Variants in ZNF536 observed in about 807,000 individuals in gnomAD.
ZNF536 encodes the protein zinc finger protein 536.
ZNF536 carries 13 observed loss-of-function variants against 84.5 expected under a neutral mutation model. The observed-to-expected ratio is 0.15, with a 90% CI of 0.10 to 0.24. The LOEUF is 0.24. ZNF536 is among the 10% of genes least tolerant of loss of function. ZNF536 has a pLI of 1.00. For missense variants in ZNF536, 1,536 were observed against 1,747.5 expected (o/e 0.88, Z 2.16); for synonymous variants, 811 against 742.5 (o/e 1.09, Z -1.50).
At chr19:30,358,808 A>C (rs1370111747) in intron 3 of ZNF536, among the ~76,000 whole-genome samples, 2 of 152,240 alleles carry the variant, frequency 1.3e-5, no homozygotes, top group East Asian at 3.9e-4. Context: ...AGACCATGAA[A>C]GTTTTGGACA....
At chr19:30,675,126 G>T (rs1033307219) in intron 1 of ZNF536, among the ~76,000 whole-genome samples, 1 of 152,156 alleles carries the variant, frequency 6.6e-6, no homozygotes, top group African/African-American at 2.4e-5. Flanking sequence ...CTATAGGACA[G>T]TGCTTATTGA....
chr19:30,600,057 T>C (rs147157071), intron 1 of ZNF536, among the ~76,000 whole-genome samples: 6,868 of 149,464 alleles, frequency 0.046, 533 homozygotes, highest in African/African-American at 0.16. Context: ...TTTTTTTTTG[T>C]TGTTGTTGTT....
intron 1 of ZNF536, among the ~76,000 whole-genome samples, chr19:30,424,736 TCTC>T (rs1441937916): frequency 6.6e-6 from 1 of 152,010 alleles, no homozygotes; most frequent in Non-Finnish European, 1.5e-5. Flanking sequence ...TAAAATCACT[TCTC>T]CTTGACACAG....
chr19:30,355,562 A>G (rs545867723), intron 3 of ZNF536, among the ~76,000 whole-genome samples: 2 of 151,292 alleles, frequency 1.3e-5, no homozygotes, highest in East Asian at 3.9e-4. Flanking sequence ...TAATTTTTGT[A>G]TTTTTTTTGT....
At chr19:30,544,907 A>G (rs1322339103) in intron 3 of ZNF536, among the ~76,000 whole-genome samples, 1 of 152,218 alleles carries the variant, frequency 6.6e-6, no homozygotes, top group Non-Finnish European at 1.5e-5. Flanking sequence ...TTCTGTGTCC[A>G]GTGGAATTCA....
At chr19:30,637,520 T>C (rs906881822) in intron 1 of ZNF536, among the ~76,000 whole-genome samples, 3 of 152,226 alleles carry the variant, frequency 2.0e-5, no homozygotes, top group Non-Finnish European at 2.9e-5. Context: ...TGGCATGAGG[T>C]TGAGGACACT....
At chr19:30,615,863 C>T (rs1568605864) in intron 1 of ZNF536, among the ~76,000 whole-genome samples, 1 of 151,814 alleles carries the variant, frequency 6.6e-6, no homozygotes, top group Non-Finnish European at 1.5e-5. Context: ...GGTATATTCT[C>T]TTCTCTCTCT....
At chr19:30,244,207 C>T (rs1385269299) in intron 1 of ZNF536, among the ~76,000 whole-genome samples, 1 of 152,166 alleles carries the variant, frequency 6.6e-6, no homozygotes, top group Non-Finnish European at 1.5e-5. Flanking sequence ...GCTTTAGACA[C>T]AGGATTGCTC....
intron 1 of ZNF536, among the ~76,000 whole-genome samples, chr19:30,406,850 G>A (rs760686999): frequency 6.4e-4 from 97 of 152,312 alleles, no homozygotes; most frequent in Non-Finnish European, 1.3e-3. Flanking sequence ...TTCTCATGGT[G>A]ATAACCTTTT....
At chr19:30,456,965 C>A (rs933780357) in intron 2 of ZNF536, among the ~76,000 whole-genome samples, 4 of 151,530 alleles carry the variant, frequency 2.6e-5, no homozygotes, top group African/African-American at 9.7e-5. Context: ...TTGCTTGAAT[C>A]CAGGAGGCAG....
At chr19:30,602,903 A>G (rs2047739996) in intron 1 of ZNF536, among the ~76,000 whole-genome samples, 1 of 152,152 alleles carries the variant, frequency 6.6e-6, no homozygotes, top group Non-Finnish European at 1.5e-5. Flanking sequence ...TAATACTACT[A>G]AATAAATCTT....
At chr19:30,654,983 T>A (rs1663630063) in intron 1 of ZNF536, among the ~76,000 whole-genome samples, 1 of 152,208 alleles carries the variant, frequency 6.6e-6, no homozygotes, top group Non-Finnish European at 1.5e-5. Context: ...TTTCTCAAGC[T>A]GTCACCTGCA....
At chr19:30,392,277 C>A (rs1182841187) in intron 1 of ZNF536, among the ~76,000 whole-genome samples, 2 of 152,190 alleles carry the variant, frequency 1.3e-5, no homozygotes, top group East Asian at 3.9e-4. Context: ...TCCCCTGGGG[C>A]GAGGGAGGTA....
intron 1 of ZNF536, among the ~76,000 whole-genome samples, chr19:30,624,957 G>A (rs1261229969): frequency 2.0e-5 from 3 of 152,146 alleles, no homozygotes; most frequent in Non-Finnish European, 4.4e-5. Context: ...AAAAGGACAT[G>A]TTTGCTTCCT....
intron 2 of ZNF536, among the ~76,000 whole-genome samples, chr19:30,489,660 C>T (rs2054431507): frequency 6.6e-6 from 1 of 151,938 alleles, no homozygotes; most frequent in South Asian, 2.1e-4. Context: ...AAATATAAAA[C>T]TGTATGTAAC....
At chr19:30,316,843 G>A (rs535481486) in intron 2 of ZNF536, among the ~76,000 whole-genome samples, 4 of 152,302 alleles carry the variant, frequency 2.6e-5, no homozygotes, top group South Asian at 4.1e-4. Flanking sequence ...GTGGAATCCC[G>A]TGCTGAGCCT....
chr19:30,648,522 G>A (rs927175903), intron 1 of ZNF536, among the ~76,000 whole-genome samples: 1 of 152,148 alleles, frequency 6.6e-6, no homozygotes, highest in African/African-American at 2.4e-5. Flanking sequence ...CCAGCTACTG[G>A]CCTTCTGCAG....
At chr19:30,649,252 A>G (rs181017783) in intron 1 of ZNF536, among the ~76,000 whole-genome samples, 2 of 152,348 alleles carry the variant, frequency 1.3e-5, no homozygotes, top group Admixed American at 1.3e-4. Context: ...ACATTCTGTC[A>G]TTTAATAGAC....
At chr19:30,320,618 C>A (rs2046822337) in intron 2 of ZNF536, among the ~76,000 whole-genome samples, 1 of 152,110 alleles carries the variant, frequency 6.6e-6, no homozygotes, top group Non-Finnish European at 1.5e-5. Flanking sequence ...CACGGAGCCC[C>A]CGTCAGAGAG....
Sources: allele counts gnomAD v4.1 joint callset (sites outside exome capture counted in the v4.1 genomes callset), GRCh38; gene constraint gnomAD v4.1.1; transcripts MANE v1.5; gene names NCBI Gene and HGNC (gene_info 2026-07-23, HGNC 2026-07-21).